FGD4: variants seen among roughly 807,000 people sequenced by gnomAD.
FGD4 encodes FYVE, RhoGEF and PH domain-containing protein 4.
FGD4 carries 42 observed loss-of-function variants against 102.0 expected under a neutral mutation model. The ratio of observed to expected loss-of-function variants is 0.41; its 90% confidence interval spans 0.32 to 0.53. The LOEUF (loss-of-function observed/expected upper bound fraction) is 0.53. Among genes scored for constraint, FGD4 ranks in the 20% least tolerant of loss-of-function variants. The pLI is 0.21. For synonymous variants in FGD4, 380 were observed against 375.7 expected (o/e 1.01, Z -0.13); for missense variants, 902 against 1,078.2 (o/e 0.84, Z 2.29).
At chr12:32,628,637 A>G (rs1375964593) in intron 14 of FGD4, among the ~76,000 whole-genome samples, 1 of 152,154 alleles carries the variant, frequency 6.6e-6, no homozygotes, top group South Asian at 2.1e-4. Flanking sequence ...CGTCTCTACT[A>G]AAAATACAAA....
intron 1 of FGD4, among the ~76,000 whole-genome samples, chr12:32,448,235 A>G (rs1942676470): frequency 1.3e-5 from 2 of 152,224 alleles, no homozygotes; most frequent in South Asian, 2.1e-4. Context: ...GAAGCAGATC[A>G]CAGTGCAATA....
intron 1 of FGD4, among the ~76,000 whole-genome samples, chr12:32,477,162 C>T (rs2048025759): frequency 6.6e-6 from 1 of 152,068 alleles, no homozygotes; most frequent in South Asian, 2.1e-4. Context: ...GTGGTGGGTG[C>T]CTGTAATCCC....
intron 3 of FGD4, among the ~76,000 whole-genome samples, chr12:32,579,265 A>T (rs538867113): frequency 2.4e-4 from 36 of 152,102 alleles, no homozygotes; most frequent in Middle Eastern, 3.4e-3. Context: ...GCTGGGCTCG[A>T]ACTCCTGACC....
Position 32,564,179 on chromosome 12 carries a change from C to T in FGD4, c.209C>T (p.Ser70Phe), listed in dbSNP as rs1488311734. ...CPKIALVPPCSTSSTTTLVGE... is the reference protein window; with the variant it reads ...CPKIALVPPCFTSSTTTLVGE... ...AAGATCGCTTTAGTTCCACCTTGCT[C>T]CACAAGCAGCACAACCACACTGGTT... The change falls in exon 2 of 17, where the codon TCC becomes TTC. Residue 70 changes from serine (S) to phenylalanine (F), a missense_variant. Physicochemically the swap from Ser to Phe is radical, Grantham distance 155. Coordinates refer to ENST00000534526, the MANE Select transcript of FGD4 (RefSeq NM_001370298.3). The T allele has an allele frequency of 6.5e-7, 1 of 1,535,994 alleles. No homozygotes were observed.
chr12:32,529,175 C>T lies in FGD4; in HGVS notation c.167-34962C>T, dbSNP rs527496888. On this transcript the variant is annotated intron_variant, in intron 1 of 16. Transcript: ENST00000534526. The stretch of plus-strand genomic sequence containing the variant: ...CTGTCCCCAGGCTGGAGTGCAGTGG[C>T]GCAATCTTGGCTCACTGCAACCTCC... Among the ~76,000 whole-genome samples, 705 of 152,096 alleles carry T rather than the reference C, an allele frequency of 4.6e-3. 2 individuals carry two copies. Among genetic ancestry groups the T allele is most frequent in the Non-Finnish European group, 7.1e-3 (481 of 67,996 alleles).
chr12:32,535,512 T>C (rs1177248376), intron 1 of FGD4, among the ~76,000 whole-genome samples: 1 of 152,176 alleles, frequency 6.6e-6, no homozygotes, highest in Non-Finnish European at 1.5e-5. Flanking sequence ...AGTCCATGCC[T>C]GCCCCTGCTC....
rs200542541 is a variant in FGD4 at position 32,624,415 on chromosome 12, A to G, written c.1923-7A>G. 290 of 1,590,516 alleles carry G rather than the reference A, an allele frequency of 1.8e-4. 2 individuals carry two copies. Among genetic ancestry groups the G allele is most frequent in the Non-Finnish European group, 2.7e-5 (31 of 1,160,536 alleles). On this transcript the variant is annotated splice_polypyrimidine_tract_variant and splice_region_variant and intron_variant, in intron 11 of 16. Transcript: ENST00000534526. ...TTTACATTCACTTTAATTTTGTTTT[A>G]TTTTAGTTCTGCGCAAGACAAAGAA...
intron 1 of FGD4, among the ~76,000 whole-genome samples, chr12:32,417,238 G>T (rs1426998003): frequency 6.6e-6 from 1 of 152,068 alleles, no homozygotes. Flanking sequence ...AGCATTTTTT[G>T]TAGGACAGGT....
At chr12:32,477,109 G>A (rs1223476223) in intron 1 of FGD4, among the ~76,000 whole-genome samples, 1 of 152,118 alleles carries the variant, frequency 6.6e-6, no homozygotes, top group Admixed American at 6.5e-5. Context: ...CCAACATGGC[G>A]AAACCCTTTC....
chr12:32,511,633 A>G (rs1245414662), intron 1 of FGD4, among the ~76,000 whole-genome samples: 1 of 152,084 alleles, frequency 6.6e-6, no homozygotes. Context: ...TTTGGTGGTT[A>G]TGTTAAATGA....
At chr12:32,617,778 AGGAACAAGGTTCATGGAG>A (rs1949534844) in intron 10 of FGD4, among the ~76,000 whole-genome samples, 1 of 152,242 alleles carries the variant, frequency 6.6e-6, no homozygotes, top group Non-Finnish European at 1.5e-5. Context: ...CTTTTGCTAC[AGGAACAAGGTTCATGGAG>A]GGAACAGGGC....
At chr12:32,567,072 G>T (rs1945248516) in intron 2 of FGD4, among the ~76,000 whole-genome samples, 1 of 152,186 alleles carries the variant, frequency 6.6e-6, no homozygotes, top group African/African-American at 2.4e-5. Context: ...AAAAATGAAA[G>T]TTAGCTCACT....
At chr12:32,495,242 T>G (rs1937724365) in intron 1 of FGD4, among the ~76,000 whole-genome samples, 4 of 152,180 alleles carry the variant, frequency 2.6e-5, no homozygotes, top group Admixed American at 2.6e-4. Flanking sequence ...GAAATCACCC[T>G]GCTAACAAGT....
chr12:32,425,612 G>A (rs1225241266), intron 1 of FGD4, among the ~76,000 whole-genome samples: 2 of 152,226 alleles, frequency 1.3e-5, no homozygotes, highest in Non-Finnish European at 2.9e-5. Flanking sequence ...TGTGAAGAAA[G>A]TCAGTGGTAG....
chr12:32,498,540 A>G (rs1406468726), intron 1 of FGD4, among the ~76,000 whole-genome samples: 1 of 152,202 alleles, frequency 6.6e-6, no homozygotes, highest in Non-Finnish European at 1.5e-5. Context: ...TCTTGAAATA[A>G]TTATTTGTTA....
chr12:32,490,649 G>A (rs982301052), intron 1 of FGD4, among the ~76,000 whole-genome samples: 8 of 151,942 alleles, frequency 5.3e-5, no homozygotes, highest in African/African-American at 1.9e-4. Flanking sequence ...CACCCACCTC[G>A]GCCTCCCAAA....
At position 32,414,831 on chromosome 12, in the gene FGD4, G is replaced by T. The variant is rs188508095; in HGVS notation, c.166+14872G>T. Reference sequence around the variant, plus strand: ...TCTTTATTGTTTGTTCTAATTTTGGGTTCGGTTTGCTCTTGCTCTTCTAGT... The same window carrying T: ...TCTTTATTGTTTGTTCTAATTTTGGTTTCGGTTTGCTCTTGCTCTTCTAGT... On this transcript the variant is annotated intron_variant, in intron 1 of 16. Coordinates refer to ENST00000534526, the MANE Select transcript of FGD4 (RefSeq NM_001370298.3). Among the ~76,000 whole-genome samples, 17 of 152,130 alleles carry T rather than the reference G, an allele frequency of 1.1e-4. No individual in the cohort carries two copies. The East Asian group carries it at 3.1e-3, about 28-fold the overall frequency.
rs1188974762 is a variant in FGD4 at position 32,582,119 on chromosome 12, T to C, written c.663T>C (p.Gly221=). 1 of 1,614,116 alleles carries C rather than the reference T, an allele frequency of 6.2e-7. No individual in the cohort carries two copies. Among genetic ancestry groups the C allele is most frequent in the South Asian group, 1.1e-5 (1 of 91,080 alleles). The change falls in exon 4 of 17, where the codon GGT becomes GGC. Residue 221 remains glycine (G), a synonymous_variant. Coordinates refer to ENST00000534526, the MANE Select transcript of FGD4 (RefSeq NM_001370298.3). ...GAAATGATACAGATAAGACTCAGGG[T>C]GCACAGACTTGTGTGGCCAACGGTG... The part of the protein sequence containing the change: ...RQGNDTDKTQ[G]AQTCVANGVM...
At chr12:32,603,163 C>T (rs1267935688) in intron 7 of FGD4, among the ~76,000 whole-genome samples, 2 of 152,086 alleles carry the variant, frequency 1.3e-5, no homozygotes, top group Non-Finnish European at 2.9e-5. Flanking sequence ...TACAGTGCTA[C>T]AATTGTTATG....
Sources: gnomAD v4.1 joint callset for allele counts (sites outside exome capture counted in the v4.1 genomes callset) on GRCh38, gnomAD v4.1.1 for gene constraint, MANE v1.5 for transcripts, NCBI Gene and HGNC (gene_info 2026-07-23, HGNC 2026-07-21) for gene names.